Variants in NSMCE2 observed in about 807,000 individuals in gnomAD.
NSMCE2 encodes E3 SUMO-protein ligase NSE2.
NSMCE2 carries 24 observed loss-of-function variants against 23.8 expected under a neutral mutation model. The observed-to-expected ratio is 1.01, with a 90% confidence interval of 0.73 to 1.42. The LOEUF is 1.42. Ranked by LOEUF, NSMCE2 falls within the 40% of genes most tolerant of loss-of-function variation. The probability of loss-of-function intolerance (pLI) is 0.00; values close to 1 mark genes in which losing one functional copy is unlikely to be tolerated. For missense variants in NSMCE2, 284 were observed against 296.5 expected (o/e 0.96, Z 0.31); for synonymous variants, 92 against 94.1 (o/e 0.98, Z 0.13).
At chr8:125,179,661 A>G (rs150101608) in intron 4 of NSMCE2, among the ~76,000 whole-genome samples, 2 of 152,350 alleles carry the variant, frequency 1.3e-5, no homozygotes, top group East Asian at 1.9e-4. Context: ...GCAGTTTTCT[A>G]AAAGTTCTGG....
chr8:125,214,069 G>A (rs1363194889), intron 5 of NSMCE2, among the ~76,000 whole-genome samples: 1 of 152,130 alleles, frequency 6.6e-6, no homozygotes, highest in African/African-American at 2.4e-5. Context: ...TTTATTTATA[G>A]TGTTAATAAA....
intron 5 of NSMCE2, among the ~76,000 whole-genome samples, chr8:125,337,102 A>G (rs1830083663): frequency 6.6e-6 from 1 of 152,236 alleles, no homozygotes; most frequent in African/African-American, 2.4e-5. Context: ...TAATTTGAGA[A>G]AATGGGGTTA....
intron 4 of NSMCE2, among the ~76,000 whole-genome samples, chr8:125,180,430 G>T (rs928924364): frequency 6.6e-6 from 1 of 152,170 alleles, no homozygotes; most frequent in Admixed American, 6.5e-5. Context: ...TTGGTTTCAT[G>T]CTTAATTCTC....
intron 4 of NSMCE2, among the ~76,000 whole-genome samples, chr8:125,164,184 G>C (rs1821759120): frequency 1.3e-5 from 2 of 152,128 alleles, no homozygotes; most frequent in African/African-American, 4.8e-5. Flanking sequence ...AGCCCTTTCA[G>C]GTCCCCAATC....
At chr8:125,309,855 C>T (rs1262292063) in intron 5 of NSMCE2, among the ~76,000 whole-genome samples, 1 of 152,290 alleles carries the variant, frequency 6.6e-6, no homozygotes, top group East Asian at 1.9e-4. Context: ...AAGGCCTACA[C>T]TGAGCTAGAG....
chr8:125,156,906 T>C (rs1821349403), intron 4 of NSMCE2, among the ~76,000 whole-genome samples: 1 of 152,204 alleles, frequency 6.6e-6, no homozygotes, highest in East Asian at 1.9e-4. Flanking sequence ...TATCCACTAC[T>C]TTAACATGAA....
intron 5 of NSMCE2, among the ~76,000 whole-genome samples, chr8:125,259,819 A>G (rs573346009): frequency 7.9e-5 from 12 of 152,336 alleles, no homozygotes; most frequent in Admixed American, 7.8e-4. Flanking sequence ...GAAAGCCTGA[A>G]TCTCAGAGGG....
chr8:125,268,102 G>C (rs1827017565), intron 5 of NSMCE2, among the ~76,000 whole-genome samples: 2 of 151,566 alleles, frequency 1.3e-5, no homozygotes, highest in Non-Finnish European at 2.9e-5. Context: ...GGGCATGATG[G>C]TGCCACCTGT....
chr8:125,211,710 T>A (rs1038134728), intron 5 of NSMCE2, among the ~76,000 whole-genome samples: 2 of 152,226 alleles, frequency 1.3e-5, no homozygotes, highest in African/African-American at 4.8e-5. Context: ...CAACAATGTA[T>A]GAGAGCCCAT....
At chr8:125,206,412 G>A (rs13279146) in intron 5 of NSMCE2, among the ~76,000 whole-genome samples, 3,191 of 152,310 alleles carry the variant, frequency 0.021, 57 homozygotes, top group Non-Finnish European at 0.033. Context: ...AGCAAGTCTG[G>A]TTGTGGTATA....
At chr8:125,121,091 C>G (rs769167744) in intron 3 of NSMCE2, among the ~76,000 whole-genome samples, 1 of 152,134 alleles carries the variant, frequency 6.6e-6, no homozygotes, top group Non-Finnish European at 1.5e-5. Flanking sequence ...GTGTTTATTA[C>G]TACTATTATA....
rs139825241 is a variant in NSMCE2 at position 125,212,370 on chromosome 8, G to A, written c.418+30114G>A. On this transcript the variant is annotated intron_variant, in intron 5 of 7. Coordinates refer to ENST00000287437, the MANE Select transcript of NSMCE2 (RefSeq NM_173685.4). Reference sequence around the variant, plus strand: ...AAAAGATGCCATTCTGGGGTAATAGGGGAAGCTCAGGGACTTGGTTGAGTT... The same window carrying A: ...AAAAGATGCCATTCTGGGGTAATAGAGGAAGCTCAGGGACTTGGTTGAGTT... Among the ~76,000 whole-genome samples, 159 of 152,260 alleles carry A rather than the reference G, an allele frequency of 1.0e-3. 3 individuals are homozygous for A. In the East Asian group the frequency reaches 0.014, roughly 13 times the overall value.
Position 125,119,346 on chromosome 8 carries a change from A to C in NSMCE2, c.157+16859A>C, listed in dbSNP as rs77140562. 2.2e-3 allele frequency among the ~76,000 whole-genome samples: 333 copies of C among 152,324 alleles called. 1 individual carries two copies. The highest frequency in any genetic ancestry group is 0.01 in the Middle Eastern group (3 of 294). ...GCTCTCCCATTCACATTAGGATGTC[A>C]CTTTGTGAAACAGTAAATGAGTCAC... On this transcript the variant is annotated intron_variant, in intron 3 of 7. Transcript: ENST00000287437.
intron 1 of NSMCE2, among the ~76,000 whole-genome samples, chr8:125,099,558 G>A (rs902663122): frequency 1.3e-5 from 2 of 152,116 alleles, no homozygotes; most frequent in Non-Finnish European, 1.5e-5. Flanking sequence ...CAAGAACAAG[G>A]TAGGCAGGTG....
intron 5 of NSMCE2, among the ~76,000 whole-genome samples, chr8:125,257,487 G>T (rs530562805): frequency 6.7e-6 from 1 of 148,202 alleles, no homozygotes; most frequent in Non-Finnish European, 1.5e-5. Context: ...AGGGTCATTG[G>T]TAACTTTTGC....
chr8:125,269,289 T>C (rs781035962), intron 5 of NSMCE2, among the ~76,000 whole-genome samples: 5 of 152,188 alleles, frequency 3.3e-5, no homozygotes, highest in Non-Finnish European at 5.9e-5. Flanking sequence ...GGTTTCATCA[T>C]GTTGACAGGC....
intron 4 of NSMCE2, among the ~76,000 whole-genome samples, chr8:125,161,400 T>G (rs1821621243): frequency 6.6e-6 from 1 of 152,244 alleles, no homozygotes; most frequent in South Asian, 2.1e-4. Flanking sequence ...TAGTTTTAAA[T>G]TTAATGATCT....
chr8:125,269,792 A>G (rs1827099396), intron 5 of NSMCE2, among the ~76,000 whole-genome samples: 1 of 152,238 alleles, frequency 6.6e-6, no homozygotes. Context: ...GTCATCATCA[A>G]TAGTTAACAA....
At chr8:125,307,600 C>T (rs1402171311) in intron 5 of NSMCE2, among the ~76,000 whole-genome samples, 1 of 152,154 alleles carries the variant, frequency 6.6e-6, no homozygotes, top group African/African-American at 2.4e-5. Context: ...CTAGCTTGCC[C>T]TAGAGTTCTC....
Sources: gnomAD v4.1 joint callset for allele counts (sites outside exome capture counted in the v4.1 genomes callset) on GRCh38, gnomAD v4.1.1 for gene constraint, MANE v1.5 for transcripts, NCBI Gene and HGNC (gene_info 2026-07-23, HGNC 2026-07-21) for gene names.